Variants in CNTNAP5 observed in about 807,000 individuals in gnomAD.
CNTNAP5 encodes the protein contactin-associated protein-like 5.
CNTNAP5 carries 72 observed loss-of-function variants against 150.2 expected under a neutral mutation model. The ratio of observed to expected loss-of-function variants is 0.48; its 90% CI spans 0.40 to 0.58. CNTNAP5 has a LOEUF of 0.58. Among genes scored for constraint, CNTNAP5 ranks in the 20% least tolerant of loss-of-function variants. The probability of loss-of-function intolerance (pLI) is 0.00; values close to 1 mark genes in which losing one functional copy is unlikely to be tolerated. For missense variants in CNTNAP5, 1,636 were observed against 1,626.2 expected, an observed-to-expected ratio of 1.01 and a Z score of -0.10; for synonymous variants, 672 against 619.8, an observed-to-expected ratio of 1.08 and a Z score of -1.25.
chr2:124,358,093 G>A (rs889917709), intron 3 of CNTNAP5, among the ~76,000 whole-genome samples: 2 of 152,066 alleles, frequency 1.3e-5, no homozygotes, highest in Admixed American at 6.6e-5. Flanking sequence ...TTCACTCATG[G>A]TTTGGCTCTC....
At chr2:124,903,939 AGCTAC>A (rs1194147448) in intron 22 of CNTNAP5, among the ~76,000 whole-genome samples, 1 of 151,398 alleles carries the variant, frequency 6.6e-6, no homozygotes, top group Admixed American at 6.6e-5. Context: ...CTGTAATTCC[AGCTAC>A]TTGGGAGGCT....
At chr2:124,780,367 G>A (rs1180400929) in intron 17 of CNTNAP5, among the ~76,000 whole-genome samples, 2 of 152,162 alleles carry the variant, frequency 1.3e-5, no homozygotes, top group African/African-American at 4.8e-5. Context: ...TGGTGTAATG[G>A]CTCCAGGGGG....
At chr2:124,512,429 A>G (rs1281507221) in intron 8 of CNTNAP5, among the ~76,000 whole-genome samples, 11 of 152,162 alleles carry the variant, frequency 7.2e-5, no homozygotes. Flanking sequence ...CGCTGGCACC[A>G]CTTGCTCATT....
At chr2:124,784,175 A>G (rs545275937) in intron 17 of CNTNAP5, among the ~76,000 whole-genome samples, 42 of 152,288 alleles carry the variant, frequency 2.8e-4, no homozygotes, top group East Asian at 7.7e-4. Flanking sequence ...GTGGGAGGGA[A>G]GAAGGGAGGA....
intron 13 of CNTNAP5, among the ~76,000 whole-genome samples, chr2:124,684,350 T>G (rs1432172604): frequency 6.6e-6 from 1 of 152,222 alleles, no homozygotes; most frequent in East Asian, 1.9e-4. Flanking sequence ...AACATTATAC[T>G]GCAGGGAAAG....
At chr2:124,425,089 C>G (rs1316210593) in intron 4 of CNTNAP5, among the ~76,000 whole-genome samples, 2 of 152,178 alleles carry the variant, frequency 1.3e-5, no homozygotes, top group African/African-American at 2.4e-5. Context: ...AATGCCAAGG[C>G]CTTGCCTCCT....
chr2:124,326,221 G>T (rs1573917595), intron 3 of CNTNAP5, among the ~76,000 whole-genome samples: 1 of 152,280 alleles, frequency 6.6e-6, no homozygotes, highest in African/African-American at 2.4e-5. Context: ...TGTGCATGGG[G>T]ATTACCATTA....
intron 3 of CNTNAP5, among the ~76,000 whole-genome samples, chr2:124,391,120 C>G (rs1163077320): frequency 6.6e-6 from 1 of 152,136 alleles, no homozygotes; most frequent in Admixed American, 6.5e-5. Context: ...ATATCTTCAT[C>G]TATGAGATGG....
At chr2:124,553,035 TATTCTATTTCTGG>T (rs1558950898) in intron 10 of CNTNAP5, among the ~76,000 whole-genome samples, 1 of 152,192 alleles carries the variant, frequency 6.6e-6, no homozygotes, top group Admixed American at 6.5e-5. Context: ...TGGGACATTA[TATTCTATTTCTGG>T]GAAAGAAATA....
intron 3 of CNTNAP5, among the ~76,000 whole-genome samples, chr2:124,310,876 G>A (rs1190783912): frequency 4.6e-5 from 7 of 152,154 alleles, no homozygotes; most frequent in South Asian, 4.1e-4. Context: ...TAAGCCCAGC[G>A]CTCAGCAGCC....
intron 6 of CNTNAP5, among the ~76,000 whole-genome samples, chr2:124,456,749 C>G (rs1359527407): frequency 1.3e-5 from 2 of 152,036 alleles, no homozygotes; most frequent in African/African-American, 4.8e-5. Flanking sequence ...ATAGAAAACC[C>G]AGAAATAAAC....
chr2:124,187,877 A>T (rs1685369915), intron 1 of CNTNAP5, among the ~76,000 whole-genome samples: 2 of 152,230 alleles, frequency 1.3e-5, no homozygotes, highest in African/African-American at 4.8e-5. Flanking sequence ...ATAATGCAGA[A>T]AAAGAGGAAA....
At chr2:124,780,807 A>G (rs1268141209) in intron 17 of CNTNAP5, among the ~76,000 whole-genome samples, 3 of 152,218 alleles carry the variant, frequency 2.0e-5, no homozygotes, top group Non-Finnish European at 4.4e-5. Context: ...ACACATTTGC[A>G]ATGCCTTCTG....
Position 124,434,608 on chromosome 2 carries a change from G to C in CNTNAP5, c.654G>C (p.Leu218=), listed in dbSNP as rs770428893. Residue 218 remains leucine (L), a synonymous_variant, in exon 5 of 24, where the codon CTG becomes CTC. Transcript: ENST00000682447. ...AGAGCATGCAAGGAGATGGGGTCCTGTTCCATGGAGAAGGTCAGCGTGGAG... is the reference window on the plus strand; with the variant it reads ...AGAGCATGCAAGGAGATGGGGTCCTCTTCCATGGAGAAGGTCAGCGTGGAG... ...KFKSMQGDGV[L]FHGEGQRGDH... is the part of the protein sequence containing the mutation. 2 of 1,613,940 alleles carry C rather than the reference G, an allele frequency of 1.2e-6. No homozygotes were observed. Among genetic ancestry groups the C allele is most frequent in the Non-Finnish European group, 1.7e-6 (2 of 1,179,850 alleles).
chr2:124,905,592 A>T (rs1678518859), intron 22 of CNTNAP5, among the ~76,000 whole-genome samples: 1 of 152,150 alleles, frequency 6.6e-6, no homozygotes, highest in Non-Finnish European at 1.5e-5. Context: ...AGGTATGATA[A>T]GGTGACAGGC....
At chr2:124,772,593 C>T (rs906285756) in intron 16 of CNTNAP5, among the ~76,000 whole-genome samples, 29 of 152,042 alleles carry the variant, frequency 1.9e-4, no homozygotes, top group Non-Finnish European at 8.8e-5. Flanking sequence ...AATTTGCAAA[C>T]GTAGCAGGAA....
chr2:124,837,757 C>T (rs1249945914), intron 19 of CNTNAP5, among the ~76,000 whole-genome samples: 1 of 152,132 alleles, frequency 6.6e-6, no homozygotes, highest in African/African-American at 2.4e-5. Context: ...TTCAGAATTT[C>T]CCCTTCACTA....
intron 10 of CNTNAP5, among the ~76,000 whole-genome samples, chr2:124,533,325 A>G (rs1026385104): frequency 3.9e-5 from 6 of 152,122 alleles, no homozygotes; most frequent in Non-Finnish European, 5.9e-5. Context: ...GGAGCATTTT[A>G]ACATCAGAAT....
chr2:124,901,535 GA>G (rs1678413082), intron 21 of CNTNAP5, among the ~76,000 whole-genome samples: 1 of 152,284 alleles, frequency 6.6e-6, no homozygotes, highest in Admixed American at 6.5e-5. Flanking sequence ...CTAGAAGCTA[GA>G]AAAGGCAAGG....
Sources: gnomAD v4.1 joint callset for allele counts (sites outside exome capture counted in the v4.1 genomes callset) on GRCh38, gnomAD v4.1.1 for gene constraint, MANE v1.5 for transcripts, NCBI Gene and HGNC (gene_info 2026-07-23, HGNC 2026-07-21) for gene names.